The following ADGRV1 variants were observed in gnomAD, a reference collection of about 807,000 sequenced individuals.
ADGRV1 encodes the protein adhesion G protein-coupled receptor V1, also known as G-protein coupled receptor 98.
Under a neutral mutation model 596.2 loss-of-function variants are expected in ADGRV1, and 359 were observed. That is an observed-to-expected ratio of 0.60 (90% CI 0.55 to 0.66). The LOEUF is 0.66. Among genes scored for constraint, ADGRV1 ranks in the 30% least tolerant of loss-of-function variants. ADGRV1 has a pLI of 0.00. For missense variants in ADGRV1, 7,274 were observed against 7,575.6 expected (o/e 0.96, Z 1.48); for synonymous variants, 2,681 against 2,679.2 (o/e 1.00, Z -0.02).
intron 86 of ADGRV1, among the ~76,000 whole-genome samples, chr5:91,072,869 G>T (rs1020233558): frequency 5.1e-4 from 78 of 152,134 alleles, no homozygotes; most frequent in Non-Finnish European, 7.8e-4. Context: ...AGCCTTGGGA[G>T]CCACTTCCCA....
chr5:90,831,430 T>G (rs1321180078), intron 77 of ADGRV1, among the ~76,000 whole-genome samples: 1 of 152,080 alleles, frequency 6.6e-6, no homozygotes, highest in Non-Finnish European at 1.5e-5. Flanking sequence ...TTTTTAATTT[T>G]TGTAGGTACA....
At chr5:90,622,832 C>T in intron 5 of ADGRV1, 131 bp downstream of exon 5, 1 of 367,872 alleles carries the variant, frequency 2.7e-6, no homozygotes, top group Non-Finnish European at 4.8e-6. Context: ...CCTCTGCCTC[C>T]CAGGTTCAAG....
intron 83 of ADGRV1, among the ~76,000 whole-genome samples, chr5:90,873,805 GA>G (rs4019420): frequency 5.4e-5 from 8 of 147,570 alleles, no homozygotes; most frequent in African/African-American, 1.5e-4. Context: ...AAAAAGAAAG[GA>G]AAAAAAAAAA....
chr5:90,925,233 T>A (rs1271133581), intron 83 of ADGRV1, among the ~76,000 whole-genome samples: 1 of 151,940 alleles, frequency 6.6e-6, no homozygotes, highest in African/African-American at 2.4e-5. Flanking sequence ...GTATGGCCAT[T>A]TTCACGATAT....
At chr5:90,888,388 G>A (rs1460622081) in intron 83 of ADGRV1, among the ~76,000 whole-genome samples, 4 of 151,918 alleles carry the variant, frequency 2.6e-5, no homozygotes, top group Admixed American at 2.6e-4. Context: ...TGCATCATTA[G>A]GACATAAAAT....
At chr5:90,719,963 G>T (rs1750697519) in intron 43 of ADGRV1, 85 bp from the exon 44 acceptor site, 4 of 1,009,242 alleles carry the variant, frequency 4.0e-6, no homozygotes, top group African/African-American at 3.2e-5. Flanking sequence ...CTATTTTGTT[G>T]TCAGAAATGT....
chr5:91,093,981 A>G (rs1790616197), intron 86 of ADGRV1, among the ~76,000 whole-genome samples: 1 of 151,486 alleles, frequency 6.6e-6, no homozygotes, highest in African/African-American at 2.4e-5. Context: ...CCTCCCGAGT[A>G]GCTGGGATTA....
At chr5:90,763,269 T>G (rs1374640879) in intron 58 of ADGRV1, 36 bp from the exon 59 acceptor site, 1 of 1,431,680 alleles carries the variant, frequency 7.0e-7, no homozygotes, top group Admixed American at 2.4e-5. Context: ...TTTTGTTTTT[T>G]TTTTTGTTTG....
intron 85 of ADGRV1, among the ~76,000 whole-genome samples, chr5:91,020,530 A>G (rs1215278393): frequency 6.6e-6 from 1 of 152,004 alleles, no homozygotes; most frequent in African/African-American, 2.4e-5. Flanking sequence ...TTACATCACT[A>G]GGAAATGACA....
At chr5:90,946,356 T>C (rs1776576730) in intron 83 of ADGRV1, among the ~76,000 whole-genome samples, 1 of 152,178 alleles carries the variant, frequency 6.6e-6, no homozygotes, top group Non-Finnish European at 1.5e-5. Context: ...TTAGTGGAGA[T>C]GGACAGGTAG....
intron 85 of ADGRV1, among the ~76,000 whole-genome samples, chr5:90,998,729 G>A (rs550232916): frequency 3.4e-4 from 51 of 152,078 alleles, no homozygotes; most frequent in Admixed American, 3.9e-4. Flanking sequence ...AAAGATGCAC[G>A]TGTTTACACT....
Position 90,763,400 on chromosome 5 carries a change from TG to T in ADGRV1, c.12217del (p.Glu4073SerfsTer4). The T allele has an allele frequency of 6.2e-7, 1 of 1,613,674 alleles. No individual in the cohort carries two copies. Among genetic ancestry groups the T allele is most frequent in the Non-Finnish European group, 8.5e-7 (1 of 1,179,652 alleles). On this transcript the variant is annotated frameshift_variant, in exon 59 of 90. Transcript: ENST00000405460. LOFTEE classifies it high-confidence loss of function. ...CAGGAGGAAAAGGAACCGTCCGACT[TG>T]AGTGGACCATAGATGAGAAGGCTAA... is the stretch of plus-strand genomic sequence containing the variant. The part of the protein sequence containing the change: ...SPGGKGTVRL[E>X]WTIDEKAKHN...
At chr5:90,570,272 C>T (rs751270282) in intron 1 of ADGRV1, among the ~76,000 whole-genome samples, 1 of 152,104 alleles carries the variant, frequency 6.6e-6, no homozygotes, top group Non-Finnish European at 1.5e-5. Context: ...CTTCTAGCCT[C>T]CTAGGCTAGA....
intron 86 of ADGRV1, among the ~76,000 whole-genome samples, chr5:91,083,870 C>T (rs1209029041): frequency 6.6e-6 from 1 of 152,188 alleles, no homozygotes; most frequent in East Asian, 1.9e-4. Context: ...GAGTTCAAGA[C>T]TGTAGTGCAC....
chr5:91,099,229 A>G (rs1385574799), intron 86 of ADGRV1, among the ~76,000 whole-genome samples: 1 of 152,046 alleles, frequency 6.6e-6, no homozygotes, highest in African/African-American at 2.4e-5. Flanking sequence ...TGAAGGGCAT[A>G]TATCAGCACG....
At chr5:91,144,900 G>A (rs1341678727) in intron 87 of ADGRV1, among the ~76,000 whole-genome samples, 1 of 152,234 alleles carries the variant, frequency 6.6e-6, no homozygotes, top group Non-Finnish European at 1.5e-5. Context: ...AAATAATTGA[G>A]AATCCAGATT....
At chr5:90,598,033 A>T (rs1013514691) in intron 1 of ADGRV1, among the ~76,000 whole-genome samples, 1 of 152,340 alleles carries the variant, frequency 6.6e-6, no homozygotes, top group South Asian at 2.1e-4. Context: ...AAATGTATGA[A>T]GATATACTAT....
chr5:90,725,774 G>T, intron 48 of ADGRV1, 118 bp downstream of exon 48: 1 of 626,092 alleles, frequency 1.6e-6, no homozygotes, highest in Non-Finnish European at 2.8e-6. Flanking sequence ...AAATTTGATT[G>T]TGGTAAAGTA....
chr5:90,984,126 C>T (rs1343903577), intron 84 of ADGRV1, among the ~76,000 whole-genome samples: 4 of 152,100 alleles, frequency 2.6e-5, no homozygotes, highest in Non-Finnish European at 2.9e-5. Flanking sequence ...TGTATACATG[C>T]AACTGAGGCT....
Sources: allele counts gnomAD v4.1 joint callset (sites outside exome capture counted in the v4.1 genomes callset), GRCh38; gene constraint gnomAD v4.1.1; transcripts MANE v1.5; gene names NCBI Gene and HGNC (gene_info 2026-07-23, HGNC 2026-07-21).